Variants in FRAS1 observed in about 807,000 individuals in gnomAD.
FRAS1 encodes the protein Fraser extracellular matrix complex subunit 1.
FRAS1 carries 290 observed loss-of-function variants against 435.2 expected under a neutral mutation model. The observed-to-expected ratio is 0.67, with a 90% CI of 0.61 to 0.73. The LOEUF is 0.73. Among genes scored for constraint, FRAS1 ranks in the 30% least tolerant of loss-of-function variants. FRAS1 has a pLI of 0.00. For missense variants in FRAS1, 4,860 were observed against 5,001.5 expected (o/e 0.97, Z 0.85); for synonymous variants, 1,800 against 1,851.0 (o/e 0.97, Z 0.71).
At chr4:78,075,660 TTG>T (rs1740603700) in intron 2 of FRAS1, among the ~76,000 whole-genome samples, 1 of 152,178 alleles carries the variant, frequency 6.6e-6, no homozygotes, top group South Asian at 2.1e-4. Flanking sequence ...GAGATAATAG[TTG>T]TGCCTATATT....
Position 78,499,712 on chromosome 4 carries a change from T to A in FRAS1, c.9116-9T>A. ...ACTGGCTCTTGTTTTCCTAACCATA[T>A]TTCCTTAGCCCCCACCATTGAGTTT... is the stretch of plus-strand genomic sequence containing the variant. On this transcript the variant is annotated splice_polypyrimidine_tract_variant and intron_variant, in intron 60 of 73. Transcript: ENST00000512123. 1 of 1,612,598 alleles carries A rather than the reference T, an allele frequency of 6.2e-7. No homozygotes were observed. The highest frequency in any genetic ancestry group is 8.5e-7 in the Non-Finnish European group (1 of 1,179,118).
At chr4:78,314,098 TC>T (rs1396739543) in intron 15 of FRAS1, among the ~76,000 whole-genome samples, 3 of 149,242 alleles carry the variant, frequency 2.0e-5, no homozygotes, top group African/African-American at 7.4e-5. Context: ...AGTTTTTTTT[TC>T]TTCTTCTTCT....
In FRAS1 at chr4:78,057,817, C is replaced by T; in HGVS notation, c.-193C>T. 1.7e-6 allele frequency: 1 copy of T among 584,066 alleles called. No individual in the cohort carries two copies. The highest frequency in any genetic ancestry group is 3.0e-6 in the Non-Finnish European group (1 of 329,474). The allele number at this position is 584,066 out of a possible 1,614,324, so 36.2% of individuals were successfully genotyped here. ...TGCCTGAGCAGCGAGTGAATTGAACCCCAGCCCGCTCCGGCGCCTCCGGGC... is the reference window on the plus strand; with the variant it reads ...TGCCTGAGCAGCGAGTGAATTGAACTCCAGCCCGCTCCGGCGCCTCCGGGC... On this transcript the variant is annotated 5_prime_UTR_variant, in exon 1 of 74. Transcript: ENST00000512123. The surrounding 1 kb of genome is among the most constrained non-coding windows in gnomAD (Gnocchi z 4.2).
At chr4:78,509,074 A>G in intron 63 of FRAS1, 68 bp downstream of exon 63, 5 of 1,542,242 alleles carry the variant, frequency 3.2e-6, no homozygotes, top group Non-Finnish European at 3.6e-6. Context: ...TTTGTTACTC[A>G]GATAATCAAA....
chr4:78,247,398 A>G (rs1328810870), intron 4 of FRAS1, among the ~76,000 whole-genome samples: 1 of 151,974 alleles, frequency 6.6e-6, no homozygotes, highest in Non-Finnish European at 1.5e-5. Context: ...TTTTTTGGGG[A>G]AAAAATCTCT....
intron 47 of FRAS1, among the ~76,000 whole-genome samples, chr4:78,455,422 G>GA (rs1330861969): frequency 6.6e-6 from 1 of 151,696 alleles, no homozygotes; most frequent in African/African-American, 2.4e-5. Context: ...AGTTGAGGAG[G>GA]GAGGGGGTTC....
chr4:78,373,751 G>A (rs1272779542), intron 24 of FRAS1, among the ~76,000 whole-genome samples: 1 of 151,684 alleles, frequency 6.6e-6, no homozygotes, highest in African/African-American at 2.4e-5. Context: ...CTCCAGCCTG[G>A]GCAACAAGCA....
In FRAS1 at chr4:78,124,766, G is replaced by GTT. The variant is rs1719244006; in HGVS notation, c.108+58751_108+58752insTT. Among the ~76,000 whole-genome samples, 3 of 152,270 alleles carry GTT rather than the reference G, an allele frequency of 2.0e-5. No homozygotes were observed. The South Asian group carries it at 6.2e-4, about 32-fold the overall frequency. ...GATTTTCTAGCTTATTTGCATAGAG[G>GTT]TGTTTATAGTATTCTCTGATGGTAG... On this transcript the variant is annotated intron_variant, in intron 2 of 73. Transcript: ENST00000512123.
In FRAS1 at chr4:78,541,682, T is replaced by C. The variant is rs1020161742; in HGVS notation, c.*558T>C. The C allele has an allele frequency of 6.6e-6, 1 of 152,260 alleles. No homozygotes were observed. The highest frequency in any genetic ancestry group is 2.4e-5 in the African/African-American group (1 of 41,462). The allele number at this position is 152,260 out of a possible 1,614,324, so 9.4% of individuals were successfully genotyped here. On this transcript the variant is annotated 3_prime_UTR_variant, in exon 74 of 74. Transcript: ENST00000512123. ...TGCTCCTTGGCCTCTAATTGTACTT[T>C]GCTTTTCCAGAGCCCTTTTTACCTG...
At chr4:78,214,367 C>T (rs527332860) in intron 2 of FRAS1, among the ~76,000 whole-genome samples, 2 of 152,326 alleles carry the variant, frequency 1.3e-5, no homozygotes, top group African/African-American at 4.8e-5. Context: ...ACATTTAACA[C>T]ATAAATCAAC....
At chr4:78,359,426 C>T (rs1487446695) in intron 20 of FRAS1, among the ~76,000 whole-genome samples, 1 of 152,162 alleles carries the variant, frequency 6.6e-6, no homozygotes, top group African/African-American at 2.4e-5. Flanking sequence ...GACTTCAAGC[C>T]TCTGAAGACA....
rs1156371393 is a variant in FRAS1, at chr4:78,537,333, C to A, written c.11298+133C>A. On this transcript the variant is annotated intron_variant, in intron 72 of 73. Coordinates refer to ENST00000512123, the MANE Select transcript of FRAS1 (RefSeq NM_025074.7). ...TCTATATATGTTTGTGTTGTTGTTTCTTTCAGATCAGCTAAATACTAGTAC... is the reference window on the plus strand; with the variant it reads ...TCTATATATGTTTGTGTTGTTGTTTATTTCAGATCAGCTAAATACTAGTAC... 10 of 861,242 alleles carry A rather than the reference C, an allele frequency of 1.2e-5. No individual in the cohort carries two copies. The East Asian group carries it at 2.4e-4, about 21-fold the overall frequency. 53.4% of individuals were successfully genotyped at this position (861,242 alleles called of 1,614,324 possible). A position where few individuals can be genotyped will look rare whatever the true frequency, so the allele number is the denominator to read the frequency against.
chr4:78,135,152 A>G (rs1719869652), intron 2 of FRAS1, among the ~76,000 whole-genome samples: 1 of 152,212 alleles, frequency 6.6e-6, no homozygotes, highest in Non-Finnish European at 1.5e-5. Flanking sequence ...TGCAAATTAA[A>G]AAGAAATTTT....
intron 2 of FRAS1, among the ~76,000 whole-genome samples, chr4:78,193,846 G>A (rs1234292350): frequency 6.6e-6 from 1 of 152,200 alleles, no homozygotes; most frequent in African/African-American, 2.4e-5. Flanking sequence ...CTTGTTAGTT[G>A]ATGCAGTTTC....
At chr4:78,073,315 G>A (rs1740455668) in intron 2 of FRAS1, among the ~76,000 whole-genome samples, 1 of 152,128 alleles carries the variant, frequency 6.6e-6, no homozygotes, top group Non-Finnish European at 1.5e-5. Flanking sequence ...TCATATTTGT[G>A]TGGTAGGAAC....
At chr4:78,059,083 C>T (rs1279049531) in intron 1 of FRAS1, among the ~76,000 whole-genome samples, 1 of 152,200 alleles carries the variant, frequency 6.6e-6, no homozygotes, top group Non-Finnish European at 1.5e-5. Flanking sequence ...AAGAGTTCAC[C>T]TGCCCAGCCG....
intron 26 of FRAS1, 81 bp downstream of exon 26, chr4:78,375,960 C>A: frequency 1.4e-6 from 2 of 1,477,036 alleles, no homozygotes; most frequent in Non-Finnish European, 1.9e-6. Context: ...ACATAATTGA[C>A]TTATGTGATA....
At chr4:78,116,441 C>G (rs1402798542) in intron 2 of FRAS1, among the ~76,000 whole-genome samples, 2 of 152,066 alleles carry the variant, frequency 1.3e-5, no homozygotes, top group African/African-American at 2.4e-5. Flanking sequence ...GTTAAAGTTT[C>G]CCATTATTAT....
intron 2 of FRAS1, among the ~76,000 whole-genome samples, chr4:78,157,678 G>A (rs1042479345): frequency 6.6e-6 from 1 of 152,068 alleles, no homozygotes; most frequent in Non-Finnish European, 1.5e-5. Context: ...TTTGCTTGTT[G>A]AATTATTTAA....
Sources: allele counts gnomAD v4.1 joint callset (sites outside exome capture counted in the v4.1 genomes callset), GRCh38; gene constraint gnomAD v4.1.1; non-coding constraint Gnocchi (gnomAD v3.1); transcripts MANE v1.5; gene names NCBI Gene and HGNC (gene_info 2026-07-23, HGNC 2026-07-21).